The following OR9Q1 variants were observed in gnomAD, a reference collection of about 807,000 sequenced individuals.
OR9Q1 encodes olfactory receptor family 9 subfamily Q member 1, also known as olfactory receptor 9Q1.
For synonymous variants in OR9Q1, 153 were observed against 148.6 expected (o/e 1.03, Z -0.22); for missense variants, 374 against 378.8 (o/e 0.99, Z 0.11).
At chr11:58,050,295 A>G (rs895346635) in intron 1 of OR9Q1, among the ~76,000 whole-genome samples, 1 of 144,920 alleles carries the variant, frequency 6.9e-6, no homozygotes, top group Non-Finnish European at 1.5e-5. Context: ...ATAATGCCGC[A>G]TATCTACAAC....
intron 2 of OR9Q1, among the ~76,000 whole-genome samples, chr11:58,163,492 G>T (rs879702700): frequency 1.3e-5 from 2 of 152,214 alleles, no homozygotes; most frequent in Non-Finnish European, 2.9e-5. Flanking sequence ...TGCATGTGCA[G>T]ATGCTAAGAA....
intron 2 of OR9Q1, among the ~76,000 whole-genome samples, chr11:58,115,649 G>T (rs1235074650): frequency 2.0e-5 from 3 of 152,176 alleles, no homozygotes; most frequent in Non-Finnish European, 4.4e-5. Flanking sequence ...GGAAAGAGAG[G>T]TGTGTGCCAC....
chr11:58,132,715 G>A (rs1444869884), intron 2 of OR9Q1, among the ~76,000 whole-genome samples: 1 of 152,186 alleles, frequency 6.6e-6, no homozygotes, highest in Admixed American at 6.5e-5. Flanking sequence ...CCAGGGTGAG[G>A]TTGGATTATG....
At chr11:58,114,766 G>A (rs1314262768) in intron 2 of OR9Q1, among the ~76,000 whole-genome samples, 2 of 152,188 alleles carry the variant, frequency 1.3e-5, no homozygotes, top group Non-Finnish European at 2.9e-5. Context: ...TTACAGATGA[G>A]GAAGCAGACC....
At chr11:58,109,281 G>A (rs1414350623) in intron 2 of OR9Q1, 5 of 462,252 alleles carry the variant, frequency 1.1e-5, no homozygotes, top group Middle Eastern at 3.2e-4. Context: ...GCAGTGGATT[G>A]CTAATGGCAA....
At chr11:58,113,781 A>G (rs2120115282) in intron 2 of OR9Q1, among the ~76,000 whole-genome samples, 1 of 152,336 alleles carries the variant, frequency 6.6e-6, no homozygotes, top group East Asian at 1.9e-4. Flanking sequence ...TGGGGAAGAT[A>G]AATAACTTAT....
chr11:58,117,867 G>A (rs1202753252), intron 2 of OR9Q1: 1 of 152,140 alleles, frequency 6.6e-6, no homozygotes, highest in East Asian at 1.9e-4. Context: ...AAGGTACCAA[G>A]TGATAAGGAA....
rs564391780 is a variant in OR9Q1, at chr11:58,180,208, T to A, written c.764T>A (p.Ile255Asn). ...GTGTCACTCTTCTTTGGTACCCTCA[T>A]CTTCATGTACTTGAGAGGTAACTCA... ...TAVSLFFGTL[I>N]FMYLRGNSDQ... Residue 255 changes from isoleucine to asparagine, a missense_variant, in exon 3 of 3, where the codon ATC becomes AAC. Ile to Asn is a moderately radical substitution (Grantham distance 149). Coordinates refer to ENST00000335397, the MANE Select transcript of OR9Q1 (RefSeq NM_001005212.4). The A allele has an allele frequency of 6.2e-7, 1 of 1,614,114 alleles. No homozygotes were observed. Among genetic ancestry groups the A allele is most frequent in the South Asian group, 1.1e-5 (1 of 91,060 alleles).
intron 2 of OR9Q1, among the ~76,000 whole-genome samples, chr11:58,098,393 C>A (rs563371287): frequency 1.3e-5 from 2 of 152,218 alleles, no homozygotes; most frequent in Admixed American, 6.5e-5. Flanking sequence ...ATGCTAGTTA[C>A]AATATCTCAT....
At chr11:58,123,758 G>T (rs987460731) in intron 2 of OR9Q1, among the ~76,000 whole-genome samples, 5 of 152,090 alleles carry the variant, frequency 3.3e-5, no homozygotes, top group Non-Finnish European at 5.9e-5. Context: ...GACCCTTTAT[G>T]CAGATCCAAG....
intron 2 of OR9Q1, among the ~76,000 whole-genome samples, chr11:58,091,661 C>G (rs1310229431): frequency 6.6e-6 from 1 of 152,056 alleles, no homozygotes. Flanking sequence ...CTATTAGGCC[C>G]TCTTGGTGCA....
chr11:58,085,829 C>A (rs1853628907), intron 2 of OR9Q1, among the ~76,000 whole-genome samples: 1 of 151,692 alleles, frequency 6.6e-6, no homozygotes, highest in Non-Finnish European at 1.5e-5. Context: ...TGGTCAAACA[C>A]ATGTATCCCC....
intron 2 of OR9Q1, among the ~76,000 whole-genome samples, chr11:58,073,954 C>A (rs935693139): frequency 6.6e-6 from 1 of 152,192 alleles, no homozygotes; most frequent in Non-Finnish European, 1.5e-5. Context: ...CTTCCAGCTT[C>A]ATCCATGTCC....
intron 2 of OR9Q1, chr11:58,109,348 G>A (rs1757694014): frequency 2.2e-6 from 1 of 459,796 alleles, no homozygotes; most frequent in Non-Finnish European, 4.4e-6. Context: ...TGCACATATG[G>A]TGAAGAAAGA....
intron 2 of OR9Q1, among the ~76,000 whole-genome samples, chr11:58,079,299 A>G (rs1269813753): frequency 1.3e-5 from 2 of 151,922 alleles, no homozygotes; most frequent in African/African-American, 2.4e-5. Context: ...AGGGCTTTGC[A>G]AAAAGATTCC....
chr11:58,070,310 C>G lies in OR9Q1; in HGVS notation c.-15+14363C>G, dbSNP rs182520357. Among the ~76,000 whole-genome samples, 1,413 of 152,152 alleles carry G rather than the reference C, an allele frequency of 9.3e-3. 15 individuals carry two copies. The highest frequency in any genetic ancestry group is 0.015 in the Non-Finnish European group (1,040 of 68,002). ...GGATTACAGGTGTGAACCACCATGT[C>G]TGGCTCCAGTATCACTCTTAAAACT... On this transcript the variant is annotated intron_variant, in intron 2 of 2. Transcript: ENST00000335397.
chr11:58,068,473 G>C (rs868646279), intron 2 of OR9Q1, among the ~76,000 whole-genome samples: 35 of 152,116 alleles, frequency 2.3e-4, no homozygotes, highest in African/African-American at 8.2e-4. Context: ...ACGGGAATGA[G>C]CCCATGCCAT....
intron 2 of OR9Q1, among the ~76,000 whole-genome samples, chr11:58,136,443 A>G (rs1406966046): frequency 6.6e-6 from 1 of 152,150 alleles, no homozygotes; most frequent in African/African-American, 2.4e-5. Flanking sequence ...AACTCAGTTG[A>G]TCTAAATTGC....
At position 58,129,553 on chromosome 11, in the gene OR9Q1, C is replaced by G. The variant is rs906131942; in HGVS notation, c.-14-49878C>G. Among the ~76,000 whole-genome samples, 12 of 152,264 alleles carry G rather than the reference C, an allele frequency of 7.9e-5. No homozygotes were observed. In the South Asian group the frequency reaches 1.5e-3, roughly 18 times the overall value. On this transcript the variant is annotated intron_variant, in intron 2 of 2. Coordinates refer to ENST00000335397, the MANE Select transcript of OR9Q1 (RefSeq NM_001005212.4). Reference sequence around the variant, plus strand: ...CCCAACCTCCCTCTGGTTTTGATCTCCTACTGGTCTTCTATCTGTTTCTTG... The same window carrying G: ...CCCAACCTCCCTCTGGTTTTGATCTGCTACTGGTCTTCTATCTGTTTCTTG...
Sources: allele counts gnomAD v4.1 joint callset (sites outside exome capture counted in the v4.1 genomes callset), GRCh38; gene constraint gnomAD v4.1.1; transcripts MANE v1.5; gene names NCBI Gene and HGNC (gene_info 2026-07-23, HGNC 2026-07-21).